The following CUBN variants were observed in gnomAD, a reference collection of about 807,000 sequenced individuals.
CUBN encodes the protein 460 kDa receptor.
In CUBN, 282 loss-of-function variants were observed where a neutral mutation model predicts 405.3. The observed-to-expected ratio is 0.70, with a 90% confidence interval of 0.63 to 0.77. CUBN has a LOEUF of 0.77. CUBN is among the 30% of genes least tolerant of loss of function. CUBN has a pLI of 0.00. For synonymous variants in CUBN, 1,684 were observed against 1,617.0 expected (o/e 1.04, Z -0.99); for missense variants, 4,514 against 4,475.2 (o/e 1.01, Z -0.25).
At chr10:16,949,119 C>T (rs1842856754) in intron 34 of CUBN, among the ~76,000 whole-genome samples, 1 of 152,198 alleles carries the variant, frequency 6.6e-6, no homozygotes, top group Non-Finnish European at 1.5e-5. Context: ...CATAAGATTA[C>T]AAGGATTGAC....
intron 4 of CUBN, among the ~76,000 whole-genome samples, chr10:17,125,971 A>C (rs1199253027): frequency 2.6e-5 from 4 of 152,236 alleles, no homozygotes; most frequent in Admixed American, 6.5e-5. Flanking sequence ...AATCCTTGCC[A>C]GAATGGTGGG....
rs376029023 is a variant in CUBN, at chr10:17,122,871, C to T, written c.517G>A (p.Glu173Lys). The T allele has an allele frequency of 1.5e-5, 24 of 1,613,580 alleles. No individual in the cohort carries two copies. The highest frequency in any genetic ancestry group is 1.8e-5 in the Non-Finnish European group (21 of 1,179,874). ...KGPLCSADVN[E>K]CEIYSGTPLS... is the part of the protein sequence containing the mutation. ...GGTGTTCCTGAGTAAATCTCACATT[C>T]GTTAACATCAGCTGAGCAGAGAGGA... Residue 173 changes from glutamate to lysine, a missense_variant, in exon 6 of 67, where the codon GAA becomes AAA. Glu to Lys is a moderately conservative substitution (Grantham distance 56, BLOSUM62 1). Transcript: ENST00000377833.
chr10:17,009,532 G>A (rs1834120804), intron 28 of CUBN, among the ~76,000 whole-genome samples: 2 of 152,214 alleles, frequency 1.3e-5, no homozygotes, highest in East Asian at 3.8e-4. Flanking sequence ...GGCTAGTAAG[G>A]CTAGAACAGC....
chr10:16,955,313 C>A (rs1843025933), intron 31 of CUBN, among the ~76,000 whole-genome samples: 1 of 133,360 alleles, frequency 7.5e-6, no homozygotes, highest in Non-Finnish European at 1.5e-5. Context: ...GCGGAGGTTG[C>A]AGTGAGCTGA....
chr10:16,963,348 GC>G (rs1843293195), intron 31 of CUBN, among the ~76,000 whole-genome samples: 1 of 151,574 alleles, frequency 6.6e-6, no homozygotes, highest in Non-Finnish European at 1.5e-5. Context: ...ACCACGCCCA[GC>G]TAATTTTTTG....
chr10:17,056,110 A>T (rs117988029), intron 22 of CUBN, among the ~76,000 whole-genome samples: 1,624 of 152,236 alleles, frequency 0.011, 26 homozygotes, highest in Middle Eastern at 0.031. Flanking sequence ...CCAGAAGCAG[A>T]CCTACACATG....
chr10:16,856,759 A>G (rs1421820511), intron 59 of CUBN, among the ~76,000 whole-genome samples: 1 of 152,224 alleles, frequency 6.6e-6, no homozygotes, highest in Non-Finnish European at 1.5e-5. Context: ...CTGTACGAGC[A>G]GATACAGACT....
At chr10:16,931,084 A>G (rs551656875) in intron 40 of CUBN, among the ~76,000 whole-genome samples, 2,395 of 148,118 alleles carry the variant, frequency 0.016, 59 homozygotes, top group African/African-American at 0.052. Flanking sequence ...GTGAAACCCC[A>G]CCTCTACTAA....
At chr10:16,832,367 A>T (rs528607969) in intron 64 of CUBN, among the ~76,000 whole-genome samples, 10 of 152,202 alleles carry the variant, frequency 6.6e-5, no homozygotes, top group Non-Finnish European at 7.3e-5. Context: ...TTAAGTCACA[A>T]AGTTAAGACA....
chr10:16,977,944 A>G (rs899713769), intron 31 of CUBN, among the ~76,000 whole-genome samples: 3 of 152,252 alleles, frequency 2.0e-5, no homozygotes, highest in Admixed American at 6.5e-5. Context: ...ATGAAAAATT[A>G]TAGGTAGAAA....
chr10:16,870,751 T>A (rs1840326486), intron 58 of CUBN, among the ~76,000 whole-genome samples: 1 of 152,168 alleles, frequency 6.6e-6, no homozygotes, highest in Non-Finnish European at 1.5e-5. Flanking sequence ...GAAATCAACT[T>A]GTTGAGTTAA....
At chr10:16,868,488 A>C (rs1236538355) in intron 59 of CUBN, among the ~76,000 whole-genome samples, 1 of 152,210 alleles carries the variant, frequency 6.6e-6, no homozygotes, top group African/African-American at 2.4e-5. Context: ...AGAGTTGTGC[A>C]TTTTTAGAAC....
chr10:17,039,853 C>T (rs1056978442), intron 27 of CUBN, among the ~76,000 whole-genome samples: 8 of 151,818 alleles, frequency 5.3e-5, no homozygotes, highest in Non-Finnish European at 1.0e-4. Flanking sequence ...AAATTTTTTC[C>T]CAAAAAATTA....
At position 16,869,782 on chromosome 10, in the gene CUBN, T is replaced by G. The variant is rs1171740040; in HGVS notation, c.9308A>C (p.Asn3103Thr). The change falls in exon 59 of 67, where the codon AAT (asparagine) becomes ACT (threonine). Residue 3103 changes from asparagine (N) to threonine (T), a missense_variant. Transcript: ENST00000377833. ...TTTGCCAAGAAGGGGATCGCTGGTA[T>G]TGGCACCATCGTAAATTGCCAGGTA... is the stretch of plus-strand genomic sequence containing the variant. ...HDYLAIYDGA[N>T]TSDPLLGKFC... 6.2e-7 allele frequency: 1 copy of G among 1,614,138 alleles called. No individual in the cohort carries two copies. Among genetic ancestry groups the G allele is most frequent in the South Asian group, 1.1e-5 (1 of 91,084 alleles).
chr10:16,958,750 G>A (rs1481983840), intron 31 of CUBN, among the ~76,000 whole-genome samples: 1 of 152,172 alleles, frequency 6.6e-6, no homozygotes, highest in African/African-American at 2.4e-5. Context: ...GTGAGTAGCA[G>A]CGTCTTCTCT....
intron 14 of CUBN, among the ~76,000 whole-genome samples, chr10:17,091,952 T>C (rs1368090823): frequency 6.6e-6 from 1 of 152,166 alleles, no homozygotes; most frequent in African/African-American, 2.4e-5. Context: ...TCTTTCACTT[T>C]CTTAATAAAC....
At chr10:17,122,251 C>G (rs932914032) in intron 6 of CUBN, 2 of 199,534 alleles carry the variant, frequency 1.0e-5, no homozygotes, top group Non-Finnish European at 2.1e-5. Flanking sequence ...GAAGATAGAG[C>G]TGTACTGATA....
At chr10:16,934,226 C>T (rs1324730430) in intron 39 of CUBN, among the ~76,000 whole-genome samples, 3 of 152,098 alleles carry the variant, frequency 2.0e-5, no homozygotes, top group East Asian at 3.9e-4. Context: ...ATAAATATGC[C>T]GCAGATTGCT....
intron 27 of CUBN, among the ~76,000 whole-genome samples, chr10:17,032,197 G>C (rs1834801784): frequency 6.6e-6 from 1 of 152,216 alleles, no homozygotes; most frequent in African/African-American, 2.4e-5. Flanking sequence ...GGAAGAAGCT[G>C]AATGACCAGG....
Sources: gnomAD v4.1 joint callset for allele counts (sites outside exome capture counted in the v4.1 genomes callset) on GRCh38, gnomAD v4.1.1 for gene constraint, MANE v1.5 for transcripts, NCBI Gene and HGNC (gene_info 2026-07-23, HGNC 2026-07-21) for gene names.